The following WDR3 variants were observed in gnomAD, a reference collection of about 807,000 sequenced individuals.
WDR3 encodes the protein WD repeat domain 3.
In WDR3, 81 loss-of-function variants were observed where a neutral mutation model predicts 123.7. The observed-to-expected ratio is 0.65, with a 90% confidence interval of 0.55 to 0.79. The LOEUF is 0.79. Among genes scored for constraint, WDR3 ranks in the 30% least tolerant of loss-of-function variants. WDR3 has a pLI of 0.00. For synonymous variants in WDR3, 390 were observed against 388.8 expected, an observed-to-expected ratio of 1.00 and a Z score of -0.04; for missense variants, 1,027 against 1,123.2, an observed-to-expected ratio of 0.91 and a Z score of 1.22.
In WDR3 at chr1:117,963,748, C is replaced by T; in HGVS notation, c.*4301C>T. The T allele has an allele frequency of 6.4e-7, 1 of 1,552,190 alleles. No individual in the cohort carries two copies. Among genetic ancestry groups the T allele is most frequent in the Non-Finnish European group, 8.8e-7 (1 of 1,137,140 alleles). On this transcript the variant is annotated 3_prime_UTR_variant, in exon 27 of 27. Coordinates refer to ENST00000349139, the MANE Select transcript of WDR3 (RefSeq NM_006784.3). Reference sequence around the variant, plus strand: ...AGGGGAAGAAACCTGGGGTCTAATACCTCAAATTTGAATGCTTGACAATCA... The same window carrying T: ...AGGGGAAGAAACCTGGGGTCTAATATCTCAAATTTGAATGCTTGACAATCA...
rs1021157124 is a variant in WDR3 at position 117,954,551 on chromosome 1, A to G, written c.2362-29A>G. On this transcript the variant is annotated intron_variant, in intron 22 of 26. Coordinates refer to ENST00000349139, the MANE Select transcript of WDR3 (RefSeq NM_006784.3). ...GTGCTACCTAAGTCTCAGTTTTTTT[A>G]ATGACTTGATTTAATAATTTCTTCA... 3.1e-6 allele frequency: 5 copies of G among 1,607,728 alleles called. No individual in the cohort carries two copies. In the African/African-American group the frequency reaches 6.7e-5, roughly 22 times the overall value.
At position 117,957,186 on chromosome 1, in the gene WDR3, T is replaced by G. The variant is rs772971454; in HGVS notation, c.2572T>G (p.Phe858Val). The change falls in exon 25 of 27, where the codon TTC becomes GTC. Residue 858 changes from phenylalanine to valine, a missense_variant. Coordinates refer to ENST00000349139, the MANE Select transcript of WDR3 (RefSeq NM_006784.3). ...DVELICRCLF[F>V]LLRIHFGQIT... The stretch of plus-strand genomic sequence containing the variant: ...TGAACTTATATGCCGGTGCCTCTTC[T>G]TCCTCCTTAGGTAACATCCTTTTCC... 3.7e-6 allele frequency: 6 copies of G among 1,611,596 alleles called. No individual in the cohort carries two copies. Among genetic ancestry groups the G allele is most frequent in the East Asian group, 2.2e-5 (1 of 44,752 alleles).
In WDR3 at chr1:117,963,074, T is replaced by C. The variant is rs911598940; in HGVS notation, c.*3627T>C. 1.3e-5 allele frequency: 2 copies of C among 152,148 alleles called. No homozygotes were observed. Among genetic ancestry groups the C allele is most frequent in the African/African-American group, 4.8e-5 (2 of 41,406 alleles). 9.4% of individuals were successfully genotyped at this position (152,148 alleles called of 1,614,324 possible). A position where few individuals can be genotyped will look rare whatever the true frequency, so the allele number is the denominator to read the frequency against. On this transcript the variant is annotated 3_prime_UTR_variant, in exon 27 of 27. Transcript: ENST00000349139. ...AAGTCCTTTCTCTTTATTTCTGAGG[T>C]TTTTGGGATCCAAGCAGCCCTGGTA...
Position 117,946,167 on chromosome 1 carries a change from C to A in WDR3, c.1410C>A (p.Val470=). Residue 470 remains valine, a synonymous_variant, in exon 12 of 27, where the codon GTC becomes GTA. Transcript: ENST00000349139. ...TTGTACCTGGTGATAGACAGGTAGT[C>A]ATAGGAACAAAGGTAAATGGAGACT... is the stretch of plus-strand genomic sequence containing the variant. ...SFFVPGDRQV[V]IGTKTGKLQL... The A allele has an allele frequency of 6.2e-7, 1 of 1,610,164 alleles. No homozygotes were observed. Among genetic ancestry groups the A allele is most frequent in the Non-Finnish European group, 8.5e-7 (1 of 1,177,710 alleles).
chr1:117,943,172 CA>C (rs1342170501), intron 10 of WDR3, among the ~76,000 whole-genome samples: 6 of 152,240 alleles, frequency 3.9e-5, no homozygotes, highest in African/African-American at 1.4e-4. Flanking sequence ...AGGCTGGTCT[CA>C]AACTCCTGAC....
At chr1:117,939,045 T>G (rs1557818203) in intron 5 of WDR3, among the ~76,000 whole-genome samples, 1 of 152,216 alleles carries the variant, frequency 6.6e-6, no homozygotes, top group African/African-American at 2.4e-5. Flanking sequence ...AATTCTTTGT[T>G]GATTTGCAAC....
At chr1:117,939,345 G>A (rs1407163890) in intron 5 of WDR3, 132 bp from the exon 6 acceptor site, 7 of 843,728 alleles carry the variant, frequency 8.3e-6, no homozygotes, top group Non-Finnish European at 1.3e-5. Context: ...TGAAAGGGTT[G>A]TCGATATGCC....
At position 117,942,544 on chromosome 1, in the gene WDR3, A is replaced by G. The variant is rs1651208368; in HGVS notation, c.1097A>G (p.Lys366Arg). The G allele has an allele frequency of 1.2e-6, 2 of 1,611,476 alleles. No individual in the cohort carries two copies. The highest frequency in any genetic ancestry group is 1.7e-6 in the Non-Finnish European group (2 of 1,178,250). The change falls in exon 10 of 27, where the codon AAG becomes AGG. Residue 366 changes from lysine (K) to arginine (R), a missense_variant and splice_region_variant. By Grantham distance (26) the Lys-to-Arg change is conservative. Coordinates refer to ENST00000349139, the MANE Select transcript of WDR3 (RefSeq NM_006784.3). ...VTNIKTSAKI[K>R]SFDLIHSPHG... ...AATATAAAAACTTCTGCCAAAATCA[A>G]GTGAGTAAAAATAAATTATCTGAAG...
In WDR3 at chr1:117,964,992, C is replaced by A. The variant is rs577249377; in HGVS notation, c.*5545C>A. 1 of 152,340 alleles carries A rather than the reference C, an allele frequency of 6.6e-6. No homozygotes were observed. The highest frequency in any genetic ancestry group is 2.1e-4 in the South Asian group (1 of 4,826). The allele number at this position is 152,340 out of a possible 1,614,324, so 9.4% of individuals were successfully genotyped here. A position where few individuals can be genotyped will look rare whatever the true frequency, so the allele number is the denominator to read the frequency against. ...TATATATCTTCTGCTCCACTCTCTT[C>A]AGCCTACAAACATGTAGGTCTACAT... On this transcript the variant is annotated 3_prime_UTR_variant, in exon 27 of 27. Coordinates refer to ENST00000349139, the MANE Select transcript of WDR3 (RefSeq NM_006784.3).
In WDR3 at chr1:117,955,300, ATCCT is replaced by A. The variant is rs1360313174; in HGVS notation, c.2410-9_2410-6del. ...ACCAAGAGTATCACTAATGGTATTA[ATCCT>A]TCCTTTATAGCCTTCAGCTTATGTA... On this transcript the variant is annotated splice_polypyrimidine_tract_variant and intron_variant, in intron 23 of 26. Transcript: ENST00000349139. 6.2e-7 allele frequency: 1 copy of A among 1,610,166 alleles called. No homozygotes were observed. The highest frequency in any genetic ancestry group is 1.1e-5 in the South Asian group (1 of 90,546).
intron 3 of WDR3, 87 bp downstream of exon 3, chr1:117,934,769 T>C (rs1349099021): frequency 1.8e-5 from 25 of 1,359,112 alleles, no homozygotes; most frequent in Non-Finnish European, 2.3e-5. Flanking sequence ...AATTGTCAGG[T>C]AAAACAATGG....
intron 19 of WDR3, 22 bp from the exon 20 acceptor site, chr1:117,952,924 A>C: frequency 6.2e-7 from 1 of 1,612,270 alleles, no homozygotes; most frequent in Non-Finnish European, 8.5e-7. Context: ...TCTCAAATTA[A>C]TGTATATCTA....
chr1:117,941,574 T>C (rs938485516), intron 8 of WDR3, among the ~76,000 whole-genome samples, 176 bp from the exon 9 acceptor site: 1 of 152,182 alleles, frequency 6.6e-6, no homozygotes, highest in African/African-American at 2.4e-5. Flanking sequence ...ATGCTACAAG[T>C]AGGAAATGGT....
At chr1:117,938,792 T>C (rs985837849) in intron 5 of WDR3, among the ~76,000 whole-genome samples, 6 of 152,224 alleles carry the variant, frequency 3.9e-5, no homozygotes, top group Admixed American at 3.9e-4. Flanking sequence ...TTCCTGAGTT[T>C]CATCATTTCT....
chr1:117,935,897 CATTCATCTATT>C (rs1650925828), intron 3 of WDR3, among the ~76,000 whole-genome samples: 1 of 151,804 alleles, frequency 6.6e-6, no homozygotes, highest in Non-Finnish European at 1.5e-5. Flanking sequence ...GGATTAGTAT[CATTCATCTATT>C]AATAACTTAC....
Position 117,939,533 on chromosome 1 carries a change from C to T in WDR3, c.636C>T (p.Asp212=). The T allele has an allele frequency of 1.2e-6, 2 of 1,613,768 alleles. No individual in the cohort carries two copies. Among genetic ancestry groups the T allele is most frequent in the South Asian group, 1.1e-5 (1 of 91,074 alleles). The change falls in exon 6 of 27, where the codon GAC becomes GAT. Residue 212 remains aspartate (D), a synonymous_variant. Coordinates refer to ENST00000349139, the MANE Select transcript of WDR3 (RefSeq NM_006784.3). ...EEKRLITGAS[D]SELRVWDIAY... ...AGCGACTCATCACTGGGGCCTCAGA[C>T]AGTGAACTGAGGGTATGGGACATAG... is the stretch of plus-strand genomic sequence containing the variant.
At chr1:117,954,248 A>C in intron 22 of WDR3, 149 bp downstream of exon 22, 3 of 702,274 alleles carry the variant, frequency 4.3e-6, no homozygotes, top group Non-Finnish European at 4.5e-6. Context: ...AAATTGAGGA[A>C]GTGTGGGAAG....
intron 11 of WDR3, among the ~76,000 whole-genome samples, chr1:117,943,978 G>A (rs1031247332): frequency 6.6e-6 from 1 of 152,088 alleles, no homozygotes; most frequent in Non-Finnish European, 1.5e-5. Flanking sequence ...CCAGATGACT[G>A]TTTTATACCT....
chr1:117,939,964 A>G (rs1254658818), intron 6 of WDR3, among the ~76,000 whole-genome samples: 1 of 152,212 alleles, frequency 6.6e-6, no homozygotes, highest in Non-Finnish European at 1.5e-5. Context: ...CATTCAAAGA[A>G]TTTACATAGA....
Sources: allele counts gnomAD v4.1 joint callset (sites outside exome capture counted in the v4.1 genomes callset), GRCh38; gene constraint gnomAD v4.1.1; transcripts MANE v1.5; gene names NCBI Gene and HGNC (gene_info 2026-07-23, HGNC 2026-07-21).